Variants in SEL1L3 observed in about 807,000 individuals in gnomAD.
SEL1L3 encodes SEL1L family member 3.
SEL1L3 carries 76 observed loss-of-function variants against 142.8 expected under a neutral mutation model. That is an observed-to-expected ratio of 0.53 (90% CI 0.44 to 0.64). The LOEUF (loss-of-function observed/expected upper bound fraction) is 0.64, where lower values mean the gene tolerates loss of function less well. SEL1L3 is among the 30% of genes least tolerant of loss of function. SEL1L3 has a pLI of 0.00. For missense variants in SEL1L3, 1,262 were observed against 1,381.7 expected, an observed-to-expected ratio of 0.91 and a Z score of 1.37; for synonymous variants, 504 against 519.6, an observed-to-expected ratio of 0.97 and a Z score of 0.41.
chr4:25,744,264 A>G (rs114065123), downstream of SEL1L3, among the ~76,000 whole-genome samples: 551 of 151,900 alleles, frequency 3.6e-3, 2 homozygotes, highest in Non-Finnish European at 6.8e-3. Context: ...AACACCGAGT[A>G]CCTCAGAATG....
At chr4:25,839,441 C>T (rs931237138) in intron 2 of SEL1L3, among the ~76,000 whole-genome samples, 5 of 152,196 alleles carry the variant, frequency 3.3e-5, no homozygotes, top group African/African-American at 1.2e-4. Context: ...GCATGATCAT[C>T]AGCAAAAGAT....
downstream of SEL1L3, among the ~76,000 whole-genome samples, chr4:25,743,014 G>A (rs933938286): frequency 1.1e-4 from 17 of 152,152 alleles, no homozygotes; most frequent in African/African-American, 4.1e-4. Flanking sequence ...GAACCCAAAT[G>A]CCTGCATAAA....
At chr4:25,846,078 T>G (rs1334730883) in intron 2 of SEL1L3, among the ~76,000 whole-genome samples, 1 of 152,032 alleles carries the variant, frequency 6.6e-6, no homozygotes. Context: ...AGGGCCACAG[T>G]TGAGGAAACA....
At chr4:25,739,757 ATAATG>A in the SEL1L3 span, among the ~76,000 whole-genome samples, 1 of 120,322 alleles carries the variant, frequency 8.3e-6, no homozygotes, top group Non-Finnish European at 1.6e-5. Flanking sequence ...GAAAGAAAAA[ATAATG>A]TGTGTGTGTG....
chr4:25,847,372 G>T lies in SEL1L3; in HGVS notation c.655C>A (p.Gln219Lys), dbSNP rs1475462230. 1.2e-6 allele frequency: 2 copies of T among 1,614,016 alleles called. No individual in the cohort carries two copies. The highest frequency in any genetic ancestry group is 4.5e-5 in the East Asian group (2 of 44,886). The part of the protein sequence containing the change: ...PPFERPFKDH[Q>K]VCLEWNMGYI... ...CCCATGTTCCACTCAAGGCACACTTGATGATCTTTGAAAGGGCGTTCAAAA... is the reference window on the plus strand; with the variant it reads ...CCCATGTTCCACTCAAGGCACACTTTATGATCTTTGAAAGGGCGTTCAAAA... The change falls in exon 2 of 24, where the codon CAA (glutamine) becomes AAA (lysine). Residue 219 changes from glutamine to lysine, a missense_variant. Transcript: ENST00000399878.
the SEL1L3 span, among the ~76,000 whole-genome samples, chr4:25,741,805 T>G: frequency 6.6e-6 from 1 of 150,536 alleles, no homozygotes; most frequent in South Asian, 2.1e-4. Flanking sequence ...TTCTTTGATT[T>G]ATTATATTAT....
At chr4:25,863,230 C>T (rs1438904011), upstream of SEL1L3, among the ~76,000 whole-genome samples, 2 of 115,310 alleles carry the variant, frequency 1.7e-5, no homozygotes, top group Non-Finnish European at 3.8e-5. Flanking sequence ...GGCGCACCCC[C>T]CTTTCCCTTT....
chr4:25,737,373 C>T, the SEL1L3 span, among the ~76,000 whole-genome samples: 596 of 152,244 alleles, frequency 3.9e-3, 5 homozygotes, highest in Middle Eastern at 0.034. Context: ...TACCTTTTAT[C>T]CTGAAGCCTT....
chr4:25,777,922 G>A (rs758903067), intron 16 of SEL1L3: 1 of 453,648 alleles, frequency 2.2e-6, no homozygotes, highest in Non-Finnish European at 4.4e-6. Flanking sequence ...AATATCTTAA[G>A]CTTTGTGGGC....
At chr4:25,775,131 G>T (rs928258078) in intron 17 of SEL1L3, among the ~76,000 whole-genome samples, 3 of 152,204 alleles carry the variant, frequency 2.0e-5, no homozygotes, top group African/African-American at 7.2e-5. Flanking sequence ...GTTCACTTGA[G>T]AAACAAGATA....
Position 25,862,929 on chromosome 4 carries a change from G to A in SEL1L3, c.-93C>T. On this transcript the variant is annotated 5_prime_UTR_variant, in exon 1 of 24. Transcript: ENST00000399878. ...CCACCTTCCCGCCCGCCCCCGGCCG[G>A]GCCGGCCGCCGCGCGCGGGGCCACC... 2 of 916,754 alleles carry A rather than the reference G, an allele frequency of 2.2e-6. No individual in the cohort carries two copies. The highest frequency in any genetic ancestry group is 2.6e-6 in the Non-Finnish European group (2 of 770,900). 56.8% of individuals were successfully genotyped at this position (916,754 alleles called of 1,614,324 possible).
the SEL1L3 span, among the ~76,000 whole-genome samples, chr4:25,715,097 A>T: frequency 1.3e-5 from 2 of 152,232 alleles, no homozygotes; most frequent in African/African-American, 4.8e-5. Context: ...ATAATTCGAT[A>T]GAAACAGATA....
chr4:25,843,441 C>T (rs950713086), intron 2 of SEL1L3, among the ~76,000 whole-genome samples: 1 of 152,166 alleles, frequency 6.6e-6, no homozygotes, highest in Admixed American at 6.5e-5. Context: ...CACTAGGTGA[C>T]TCTCAAAATA....
At chr4:25,850,854 T>TTTG (rs769252589) in intron 1 of SEL1L3, among the ~76,000 whole-genome samples, 22 of 151,768 alleles carry the variant, frequency 1.4e-4, no homozygotes, top group Non-Finnish European at 2.6e-4. Flanking sequence ...TTTTTGTTTG[T>TTTG]TTGTTTTTTT....
At chr4:25,750,105 G>A (rs766080215) in intron 23 of SEL1L3, among the ~76,000 whole-genome samples, 6 of 151,966 alleles carry the variant, frequency 3.9e-5, no homozygotes, top group Non-Finnish European at 5.9e-5. Flanking sequence ...GTGGTGGCAC[G>A]TGCCTGTAAT....
chr4:25,845,066 G>A (rs1301652170), intron 2 of SEL1L3, among the ~76,000 whole-genome samples: 1 of 152,180 alleles, frequency 6.6e-6, no homozygotes, highest in Non-Finnish European at 1.5e-5. Context: ...TGTAAAAAGT[G>A]GTAAAATCTG....
At chr4:25,845,976 C>G (rs868761806) in intron 2 of SEL1L3, among the ~76,000 whole-genome samples, 4 of 152,280 alleles carry the variant, frequency 2.6e-5, no homozygotes, top group Middle Eastern at 6.8e-3. Flanking sequence ...AGCCTTCCCC[C>G]ACCCCCGCAG....
chr4:25,813,576 A>G (rs1714174715), intron 9 of SEL1L3, among the ~76,000 whole-genome samples: 1 of 152,148 alleles, frequency 6.6e-6, no homozygotes, highest in Non-Finnish European at 1.5e-5. Context: ...CAATGGGGAG[A>G]CGTTTACTGA....
chr4:25,862,318 G>T (rs1224089932), intron 1 of SEL1L3, among the ~76,000 whole-genome samples: 1 of 151,282 alleles, frequency 6.6e-6, no homozygotes, highest in East Asian at 2.0e-4. Flanking sequence ...GGGGTTGGGG[G>T]GTGCTGGAGA....
Sources: allele counts gnomAD v4.1 joint callset (sites outside exome capture counted in the v4.1 genomes callset), GRCh38; gene constraint gnomAD v4.1.1; transcripts MANE v1.5; gene names NCBI Gene and HGNC (gene_info 2026-07-23, HGNC 2026-07-21).